SLC26A3: variants seen among roughly 807,000 people sequenced by gnomAD.
SLC26A3 encodes chloride anion exchanger.
In SLC26A3, 64 loss-of-function variants were observed where a neutral mutation model predicts 85.6. The observed-to-expected ratio is 0.75, with a 90% CI of 0.61 to 0.92. SLC26A3 has a LOEUF of 0.92. SLC26A3 is among the 40% of genes least tolerant of loss of function. SLC26A3 has a pLI of 0.00. For synonymous variants in SLC26A3, 349 were observed against 336.0 expected (o/e 1.04, Z -0.42); for missense variants, 922 against 927.3 (o/e 0.99, Z 0.07).
At chr7:107,796,070 T>C (rs1794492410) in intron 1 of SLC26A3, among the ~76,000 whole-genome samples, 1 of 151,616 alleles carries the variant, frequency 6.6e-6, no homozygotes, top group East Asian at 1.9e-4. Context: ...GAATTTGAGT[T>C]CCTTTGAGCT....
chr7:107,795,916 G>C (rs925805837), intron 1 of SLC26A3, among the ~76,000 whole-genome samples: 5 of 151,850 alleles, frequency 3.3e-5, no homozygotes, highest in Non-Finnish European at 7.4e-5. Flanking sequence ...TCAGATGCTG[G>C]CCTCTACTGC....
chr7:107,774,204 G>T, intron 16 of SLC26A3, 51 bp from the exon 17 acceptor site: 2 of 1,367,318 alleles, frequency 1.5e-6, no homozygotes, highest in Non-Finnish European at 2.1e-6. Flanking sequence ...AAAACATTGT[G>T]TATGTCAGAG....
In SLC26A3 at chr7:107,765,764, C is replaced by T. The variant is rs751054210; in HGVS notation, c.*91G>A. On this transcript the variant is annotated 3_prime_UTR_variant, in exon 21 of 21. Coordinates refer to ENST00000340010, the MANE Select transcript of SLC26A3 (RefSeq NM_000111.3). ...AACATATTCTGTCAAAAATACTCTT[C>T]GTACAATGTATGAACTTATCAATAA... The T allele has an allele frequency of 1.4e-5, 13 of 957,768 alleles. No individual in the cohort carries two copies. The highest frequency in any genetic ancestry group is 3.2e-5 in the African/African-American group (2 of 62,148). 59.3% of individuals were successfully genotyped at this position (957,768 alleles called of 1,614,324 possible).
chr7:107,791,063 A>C lies in SLC26A3; in HGVS notation c.555T>G (p.Leu185=), dbSNP rs749494186. 5.0e-6 allele frequency: 8 copies of C among 1,613,814 alleles called. No homozygotes were observed. In the African/African-American group the frequency reaches 9.3e-5, roughly 19 times the overall value. Residue 185 remains leucine, a synonymous_variant, in exon 5 of 21, where the codon CTT becomes CTG. Transcript: ENST00000340010. ...RVAAAASVTV[L]SGIIQLAFGI... ...AGGTGCTCACCTGGATGATTCCAGA[A>C]AGCACTGTGACTGATGCCGCCGCCG...
chr7:107,789,477 G>T, intron 6 of SLC26A3, 47 bp downstream of exon 6: 1 of 1,555,166 alleles, frequency 6.4e-7, no homozygotes, highest in Non-Finnish European at 8.9e-7. Context: ...AAACACAGTA[G>T]TGAGTTTCAT....
intron 12 of SLC26A3, among the ~76,000 whole-genome samples, chr7:107,778,959 C>G (rs1459884931): frequency 6.6e-6 from 1 of 152,030 alleles, no homozygotes; most frequent in Non-Finnish European, 1.5e-5. Flanking sequence ...CCATTGCACT[C>G]CAGCCTGGGT....
intron 1 of SLC26A3, among the ~76,000 whole-genome samples, chr7:107,799,415 G>T (rs1315624194): frequency 1.3e-5 from 2 of 151,980 alleles, no homozygotes; most frequent in Non-Finnish European, 2.9e-5. Context: ...ACAGAGTCTT[G>T]CTCTGTCGCC....
At chr7:107,801,909 G>A (rs1272766874) in intron 1 of SLC26A3, among the ~76,000 whole-genome samples, 10 of 138,232 alleles carry the variant, frequency 7.2e-5, no homozygotes, top group South Asian at 4.6e-4. Flanking sequence ...GCGAAACCCC[G>A]TCTCTACTGA....
At chr7:107,794,284 C>A (rs1013185562) in intron 2 of SLC26A3, 95 bp downstream of exon 2, 3 of 1,393,816 alleles carry the variant, frequency 2.2e-6, no homozygotes, top group African/African-American at 1.4e-5. Flanking sequence ...AGGCTGTGGA[C>A]TAGAGCCAGA....
At chr7:107,797,248 C>T (rs1794521972) in intron 1 of SLC26A3, among the ~76,000 whole-genome samples, 1 of 152,172 alleles carries the variant, frequency 6.6e-6, no homozygotes, top group South Asian at 2.1e-4. Context: ...AATCCCAGCA[C>T]TTTGGGAGGC....
At chr7:107,778,360 CTTTTTTTT>C in intron 12 of SLC26A3, 79 bp from the exon 13 acceptor site, 3 of 461,448 alleles carry the variant, frequency 6.5e-6, no homozygotes, top group Non-Finnish European at 7.4e-6. Context: ...TTTAAAAAGA[CTTTTTTTT>C]TTTTTTTTTG....
chr7:107,793,354 C>G (rs1263696527), intron 3 of SLC26A3, among the ~76,000 whole-genome samples: 1 of 152,108 alleles, frequency 6.6e-6, no homozygotes, highest in Admixed American at 6.5e-5. Context: ...TGTTCATCAA[C>G]CGATGAGCAG....
chr7:107,765,922 TTC>T, intron 20 of SLC26A3, 44 bp from the exon 21 acceptor site: 1 of 1,568,382 alleles, frequency 6.4e-7, no homozygotes, highest in Non-Finnish European at 8.8e-7. Context: ...ACTCGTCAAG[TTC>T]TGTTACAATA....
At chr7:107,786,696 T>C (rs750143505) in intron 8 of SLC26A3, 131 bp downstream of exon 8, 22 of 801,696 alleles carry the variant, frequency 2.7e-5, no homozygotes, top group Non-Finnish European at 4.7e-5. Context: ...TCCTTAGGGA[T>C]GCAGGGTGCA....
At chr7:107,786,137 T>G (rs760928759) in intron 8 of SLC26A3, among the ~76,000 whole-genome samples, 3 of 152,170 alleles carry the variant, frequency 2.0e-5, no homozygotes, top group Non-Finnish European at 4.4e-5. Flanking sequence ...CTATCTGGAC[T>G]GCTCACGTGG....
At chr7:107,778,067 G>A (rs763758947) in intron 13 of SLC26A3, 108 bp downstream of exon 13, 4 of 769,362 alleles carry the variant, frequency 5.2e-6, no homozygotes, top group African/African-American at 1.7e-5. Context: ...TGATAGAAAT[G>A]CACACCTATC....
intron 6 of SLC26A3, 67 bp from the exon 7 acceptor site, chr7:107,787,576 C>A: frequency 7.4e-7 from 1 of 1,347,786 alleles, no homozygotes; most frequent in Non-Finnish European, 1.0e-6. Flanking sequence ...CAACGCATCT[C>A]CAAACAAATA....
intron 3 of SLC26A3, among the ~76,000 whole-genome samples, 173 bp downstream of exon 3, chr7:107,793,569 G>C (rs542775633): frequency 6.6e-6 from 1 of 152,256 alleles, no homozygotes; most frequent in Non-Finnish European, 1.5e-5. Flanking sequence ...GGGTAGGGGG[G>C]ATGTGAAGTT....
Position 107,783,202 on chromosome 7 carries a change from T to C in SLC26A3, c.1119+3A>G. 1 of 1,614,218 alleles carries C rather than the reference T, an allele frequency of 6.2e-7. No homozygotes were observed. The highest frequency in any genetic ancestry group is 1.1e-5 in the South Asian group (1 of 91,086). ...TGAGACCCAGTGTAGTTTGTTTACT[T>C]ACCTGATTGCCATCAAGTGGATAAT... On this transcript the variant is annotated splice_donor_region_variant and intron_variant, in intron 9 of 20. Coordinates refer to ENST00000340010, the MANE Select transcript of SLC26A3 (RefSeq NM_000111.3).
Sources: allele counts gnomAD v4.1 joint callset (sites outside exome capture counted in the v4.1 genomes callset), GRCh38; gene constraint gnomAD v4.1.1; transcripts MANE v1.5; gene names NCBI Gene and HGNC (gene_info 2026-07-23, HGNC 2026-07-21).